Variants in ADCY2 observed in about 807,000 individuals in gnomAD.
ADCY2 encodes adenylate cyclase 2.
In ADCY2, 31 loss-of-function variants were observed where a neutral mutation model predicts 125.2. That is an observed-to-expected ratio of 0.25 (90% CI 0.19 to 0.33). The LOEUF is 0.33. ADCY2 is among the 10% of genes least tolerant of loss of function. The pLI is 1.00. For synonymous variants in ADCY2, 512 were observed against 548.4 expected (o/e 0.93, Z 0.93); for missense variants, 904 against 1,418.2 (o/e 0.64, Z 5.82).
At chr5:7,679,061 G>A (rs1159823819) in intron 4 of ADCY2, among the ~76,000 whole-genome samples, 1 of 152,230 alleles carries the variant, frequency 6.6e-6, no homozygotes, top group Non-Finnish European at 1.5e-5. Flanking sequence ...ACCTACGCTT[G>A]AAGCAAACAG....
At chr5:7,454,550 C>G (rs1741599846) in intron 2 of ADCY2, among the ~76,000 whole-genome samples, 1 of 152,166 alleles carries the variant, frequency 6.6e-6, no homozygotes, top group African/African-American at 2.4e-5. Flanking sequence ...TTGGTGAACA[C>G]TTCTTTTTTC....
intron 23 of ADCY2, among the ~76,000 whole-genome samples, chr5:7,819,622 G>A (rs571724640): frequency 2.0e-4 from 30 of 152,258 alleles, no homozygotes; most frequent in South Asian, 4.1e-4. Context: ...TGAACTCAAC[G>A]TTTCACTTGG....
intron 16 of ADCY2, among the ~76,000 whole-genome samples, chr5:7,766,036 G>T (rs925817031): frequency 6.6e-6 from 1 of 152,112 alleles, no homozygotes; most frequent in African/African-American, 2.4e-5. Flanking sequence ...TTATATTGGT[G>T]ACCATTACAT....
At chr5:7,398,531 A>G (rs1248058829) in intron 1 of ADCY2, among the ~76,000 whole-genome samples, 1 of 152,172 alleles carries the variant, frequency 6.6e-6, no homozygotes, top group African/African-American at 2.4e-5. Flanking sequence ...CAGCTAAATC[A>G]TTTTAAGCAC....
At chr5:7,685,742 G>C (rs919314879) in intron 4 of ADCY2, among the ~76,000 whole-genome samples, 2 of 152,180 alleles carry the variant, frequency 1.3e-5, no homozygotes, top group African/African-American at 4.8e-5. Flanking sequence ...CGTGGAGCCT[G>C]CTGCAAAGGA....
At position 7,666,055 on chromosome 5, in the gene ADCY2, G is replaced by C. The variant is rs2973332; in HGVS notation, c.721-24636G>C. ...GGGTTTCACCATGTTAGCCAGGATG[G>C]TCTCGATCTCCTGACCTCGTGATCC... On this transcript the variant is annotated intron_variant, in intron 4 of 24. Coordinates refer to ENST00000338316, the MANE Select transcript of ADCY2 (RefSeq NM_020546.3). Among the ~76,000 whole-genome samples the C allele has an allele frequency of 6.7e-3, 1,009 of 151,148 alleles. 15 individuals are homozygous for C. In the East Asian group the frequency reaches 0.068, roughly 10 times the overall value.
At chr5:7,724,751 G>A in intron 13 of ADCY2, 137 bp downstream of exon 13, 5 of 662,548 alleles carry the variant, frequency 7.5e-6, no homozygotes, top group Non-Finnish European at 1.0e-5. Flanking sequence ...GGCTTTTCTG[G>A]TGGTTCTTTC....
At position 7,504,425 on chromosome 5, in the gene ADCY2, T is replaced by G. The variant is rs1743720705; in HGVS notation, c.409-16313T>G. 3.9e-5 allele frequency among the ~76,000 whole-genome samples: 6 copies of G among 152,284 alleles called. No individual in the cohort carries two copies. In the South Asian group the frequency reaches 1.2e-3, roughly 32 times the overall value. On this transcript the variant is annotated intron_variant, in intron 2 of 24. Coordinates refer to ENST00000338316, the MANE Select transcript of ADCY2 (RefSeq NM_020546.3). The stretch of plus-strand genomic sequence containing the variant: ...TGTGAAAATACGCAGTGTGAAATTT[T>G]CCCATTTCTCTAGTTAATGTTGGAC...
intron 2 of ADCY2, among the ~76,000 whole-genome samples, chr5:7,494,265 A>G (rs1743269392): frequency 6.6e-6 from 1 of 151,948 alleles, no homozygotes; most frequent in Non-Finnish European, 1.5e-5. Context: ...CAGGGCGGAT[A>G]ATCTTACTAA....
intron 1 of ADCY2, among the ~76,000 whole-genome samples, chr5:7,405,718 G>A (rs13170722): frequency 0.037 from 5,626 of 152,298 alleles, 159 homozygotes; most frequent in South Asian, 0.094. Context: ...AATTACACAT[G>A]GGCATGATAC....
At chr5:7,555,829 CCTT>C (rs977108057) in intron 3 of ADCY2, among the ~76,000 whole-genome samples, 1 of 149,726 alleles carries the variant, frequency 6.7e-6, no homozygotes, top group East Asian at 2.0e-4. Flanking sequence ...CAGTGATCTC[CCTT>C]CTTTTACAGA....
intron 4 of ADCY2, among the ~76,000 whole-genome samples, chr5:7,670,713 T>C (rs1739905003): frequency 6.6e-6 from 1 of 152,184 alleles, no homozygotes; most frequent in Non-Finnish European, 1.5e-5. Flanking sequence ...CATTAGATTC[T>C]CATAAGGAGC....
chr5:7,583,464 A>T (rs1361903730), intron 3 of ADCY2, among the ~76,000 whole-genome samples: 1 of 152,090 alleles, frequency 6.6e-6, no homozygotes, highest in Non-Finnish European at 1.5e-5. Flanking sequence ...TCCTAGCATA[A>T]GGATCCACCA....
chr5:7,563,613 C>T (rs1735796770), intron 3 of ADCY2, among the ~76,000 whole-genome samples: 1 of 152,118 alleles, frequency 6.6e-6, no homozygotes, highest in African/African-American at 2.4e-5. Context: ...ATTACCTAGA[C>T]AAAAAGTAGC....
chr5:7,556,808 C>G (rs147688242), intron 3 of ADCY2, among the ~76,000 whole-genome samples: 9 of 152,206 alleles, frequency 5.9e-5, no homozygotes, highest in Non-Finnish European at 1.0e-4. Flanking sequence ...AGGTTGTGTG[C>G]TCCTTGTGAT....
chr5:7,702,871 A>G (rs1423353056), intron 7 of ADCY2, among the ~76,000 whole-genome samples: 1 of 152,174 alleles, frequency 6.6e-6, no homozygotes, highest in Non-Finnish European at 1.5e-5. Flanking sequence ...CTATTTCTCC[A>G]CGTCCTCTCC....
At chr5:7,803,253 T>A (rs768274117) in intron 21 of ADCY2, among the ~76,000 whole-genome samples, 1 of 152,172 alleles carries the variant, frequency 6.6e-6, no homozygotes, top group Non-Finnish European at 1.5e-5. Context: ...GAAATAAACA[T>A]TCCCCAGTAC....
intron 2 of ADCY2, among the ~76,000 whole-genome samples, chr5:7,460,006 T>A (rs1741859971): frequency 6.6e-6 from 1 of 151,912 alleles, no homozygotes. Flanking sequence ...CAGGATGGTC[T>A]GAATCTCCTG....
intron 15 of ADCY2, among the ~76,000 whole-genome samples, chr5:7,754,038 C>T (rs942401121): frequency 6.6e-6 from 1 of 152,074 alleles, no homozygotes; most frequent in Non-Finnish European, 1.5e-5. Flanking sequence ...AATAATTGAA[C>T]CAAGCGCATC....
Sources: allele counts gnomAD v4.1 joint callset (sites outside exome capture counted in the v4.1 genomes callset), GRCh38; gene constraint gnomAD v4.1.1; transcripts MANE v1.5; gene names NCBI Gene and HGNC (gene_info 2026-07-23, HGNC 2026-07-21).